Variants in LTBP3 observed in about 807,000 individuals in gnomAD.
LTBP3 encodes latent-transforming growth factor beta-binding protein 3.
In LTBP3, 97 loss-of-function variants were observed where a neutral mutation model predicts 159.7. The ratio of observed to expected loss-of-function variants is 0.61; its 90% CI spans 0.52 to 0.72. LTBP3 has a LOEUF of 0.72. Ranked by LOEUF, LTBP3 falls within the 30% of genes least tolerant of loss-of-function variation. The pLI, the probability that LTBP3 is intolerant of heterozygous loss-of-function variation, is 0.00. For synonymous variants in LTBP3, 824 were observed against 777.1 expected, an observed-to-expected ratio of 1.06 and a Z score of -1.00; for missense variants, 1,584 against 1,864.3, an observed-to-expected ratio of 0.85 and a Z score of 2.77.
rs1856252917 is a variant in LTBP3 at position 65,543,717 on chromosome 11, G to T, written c.2354-168C>A. On this transcript the variant is annotated intron_variant, in intron 16 of 27. Coordinates refer to ENST00000301873, the MANE Select transcript of LTBP3 (RefSeq NM_001130144.3). ...TGGCACACAGTGCCCTGACGACCAG[G>T]TCAGGTGCTGCCAGGGTCCCTAGGC... 5 of 835,236 alleles carry T rather than the reference G, an allele frequency of 6.0e-6. No individual in the cohort carries two copies. The Admixed American group carries it at 1.0e-4, about 17-fold the overall frequency. The allele number at this position is 835,236 out of a possible 1,614,324, so 51.7% of individuals were successfully genotyped here.
At position 65,551,437 on chromosome 11, in the gene LTBP3, G is replaced by A. The variant is rs747664109; in HGVS notation, c.1586C>T (p.Pro529Leu). 9 of 1,613,776 alleles carry A rather than the reference G, an allele frequency of 5.6e-6. No individual in the cohort carries two copies. ...SEERSVQQSHPTATTTPARPY... is the reference protein window; with the variant it reads ...SEERSVQQSHLTATTTPARPY... ...CCGGGCAGGAGTCGTGGTGGCAGTT[G>A]GGTGGCTCTGCTGCACTGACCTCTC... Residue 529 changes from proline to leucine, a missense_variant, in exon 10 of 28, where the codon CCA becomes CTA. Around this residue, in one of 6 missense-constraint regions of LTBP3, gnomAD observed 565 missense variants for 677.7 expected, o/e 0.83. Coordinates refer to ENST00000301873, the MANE Select transcript of LTBP3 (RefSeq NM_001130144.3).
At position 65,553,095 on chromosome 11, in the gene LTBP3, GGACCCTCCCCACCCCCAGT is replaced by G; in HGVS notation, c.1063+50_1063+68del. ...CCCACCTCCTCTCTCGCCCACCTTG[GGACCCTCCCCACCCCCAGT>G]GATGGCTGGCCTGCCCCTCCAGCCC... On this transcript the variant is annotated intron_variant, in intron 5 of 27. Transcript: ENST00000301873. This position sits in a 1 kb window ranked among gnomAD's most constrained non-coding sequence, Gnocchi z 6.5. 6.2e-7 allele frequency: 1 copy of G among 1,606,078 alleles called. No individual in the cohort carries two copies.
In LTBP3 at chr11:65,547,052, G is replaced by C. The variant is rs1856403932; in HGVS notation, c.2108-132C>G. ...CGGACCCCAACCTCTGAGAGGCCCA[G>C]AGCCGAGCATACAGGCCGGGTGCGG... On this transcript the variant is annotated intron_variant, in intron 14 of 27. Coordinates refer to ENST00000301873, the MANE Select transcript of LTBP3 (RefSeq NM_001130144.3). This position sits in a 1 kb window ranked among gnomAD's most constrained non-coding sequence, Gnocchi z 4.6. 4.5e-6 allele frequency: 6 copies of C among 1,342,174 alleles called. No homozygotes were observed. Among genetic ancestry groups the C allele is most frequent in the Non-Finnish European group, 5.1e-6 (5 of 979,478 alleles). 83.1% of individuals were successfully genotyped at this position (1,342,174 alleles called of 1,614,324 possible).
At position 65,557,925 on chromosome 11, in the gene LTBP3, G is replaced by A; in HGVS notation, c.35C>T (p.Ala12Val). 2 of 1,230,626 alleles carry A rather than the reference G, an allele frequency of 1.6e-6. No individual in the cohort carries two copies. Among genetic ancestry groups the A allele is most frequent in the Non-Finnish European group, 1.0e-6 (1 of 978,170 alleles). 76.2% of individuals were successfully genotyped at this position (1,230,626 alleles called of 1,614,324 possible). A position where few individuals can be genotyped will look rare whatever the true frequency, so the allele number is the denominator to read the frequency against. Residue 12 changes from alanine (A) to valine (V), a missense_variant, in exon 1 of 28, where the codon GCC becomes GTC. Coordinates refer to ENST00000301873, the MANE Select transcript of LTBP3 (RefSeq NM_001130144.3). The stretch of plus-strand genomic sequence containing the variant: ...CGCCCCCGCCCCGCGCATCTCAGGG[G>A]CCAGGCCGCCAGCAGCCCCTCGGGG... ...PGPRGAAGGLAPEMRGAGAAG... is the reference protein window; with the variant it reads ...PGPRGAAGGLVPEMRGAGAAG...
rs139187275 is a variant in LTBP3 at position 65,541,688 on chromosome 11, G to T, written c.2637C>A (p.Pro879=). The part of the protein sequence containing the change: ...ECSQDPSLCL[P]HGACKNLQGS... ...CCTGAAGGTTCTTGCAGGCCCCATGGGGAAGGCACAGGCTCGGGTCCTGGC... is the reference window on the plus strand; with the variant it reads ...CCTGAAGGTTCTTGCAGGCCCCATGTGGAAGGCACAGGCTCGGGTCCTGGC... Residue 879 remains proline, a synonymous_variant, in exon 19 of 28, where the codon CCC becomes CCA. Transcript: ENST00000301873. 6.1e-5 allele frequency: 99 copies of T among 1,614,128 alleles called. No homozygotes were observed. In the African/African-American group the frequency reaches 1.2e-3, roughly 19 times the overall value.
rs371976916 is a variant in LTBP3, at chr11:65,547,913, C to T, written c.1846+7G>A. 8 of 1,613,556 alleles carry T rather than the reference C, an allele frequency of 5.0e-6. No individual in the cohort carries two copies. In the African/African-American group the frequency reaches 8.0e-5, roughly 16 times the overall value. ...ACCTGCATGCCCGCCGCCTGCCCTGCGCTCACCCACGCAGTAGCGGTGCTG... is the reference window on the plus strand; with the variant it reads ...ACCTGCATGCCCGCCGCCTGCCCTGTGCTCACCCACGCAGTAGCGGTGCTG... On this transcript the variant is annotated splice_region_variant and intron_variant, in intron 12 of 27. Coordinates refer to ENST00000301873, the MANE Select transcript of LTBP3 (RefSeq NM_001130144.3). The surrounding 1 kb of genome is among the most constrained non-coding windows in gnomAD (Gnocchi z 4.6).
Position 65,553,578 on chromosome 11 carries a change from G to A in LTBP3, c.865-48C>T. The A allele has an allele frequency of 6.7e-7, 1 of 1,503,120 alleles. No homozygotes were observed. Among genetic ancestry groups the A allele is most frequent in the Non-Finnish European group, 9.2e-7 (1 of 1,090,254 alleles). The allele number at this position is 1,503,120 out of a possible 1,614,324, so 93.1% of individuals were successfully genotyped here. On this transcript the variant is annotated intron_variant, in intron 3 of 27. Coordinates refer to ENST00000301873, the MANE Select transcript of LTBP3 (RefSeq NM_001130144.3). The surrounding 1 kb of genome is among the most constrained non-coding windows in gnomAD (Gnocchi z 6.5). ...GGGTCACAGAGCACCCCGCCCCGGT[G>A]CCGCCTGTTAGGGTTGGGCCTTTTC...
rs1019451060 is a variant in LTBP3, at chr11:65,551,348, C to T, written c.1621+54G>A. On this transcript the variant is annotated intron_variant, in intron 10 of 27. Transcript: ENST00000301873. ...CCGAGTACTTAAACTGTGAACTCCCCGCCCACCCAGTGATTTAGCCCTTGA... is the reference window on the plus strand; with the variant it reads ...CCGAGTACTTAAACTGTGAACTCCCTGCCCACCCAGTGATTTAGCCCTTGA... 26 of 1,594,214 alleles carry T rather than the reference C, an allele frequency of 1.6e-5. No homozygotes were observed. The African/African-American group carries it at 2.5e-4, about 16-fold the overall frequency.
At chr11:65,557,502 C>A in intron 1 of LTBP3, 127 bp downstream of exon 1, 1 of 1,342,634 alleles carries the variant, frequency 7.4e-7, no homozygotes, top group South Asian at 1.3e-5. Flanking sequence ...CCCTGGTCCC[C>A]CAGGCCCTCG....
In LTBP3 at chr11:65,547,757, G is replaced by A; in HGVS notation, c.1911C>T (p.Gly637=). 6.2e-7 allele frequency: 1 copy of A among 1,610,316 alleles called. No individual in the cohort carries two copies. The highest frequency in any genetic ancestry group is 8.5e-7 in the Non-Finnish European group (1 of 1,178,850). ...CGCGGTTGCAGTGGCAATTGTAGGA[G>A]CCGCCGGTGTTCATGCAGATGCCCC... ...PGRGICMNTG[G]SYNCHCNRGY... Residue 637 remains glycine, a synonymous_variant, in exon 13 of 28, where the codon GGC becomes GGT. Transcript: ENST00000301873. The surrounding 1 kb of genome is among the most constrained non-coding windows in gnomAD (Gnocchi z 4.6).
chr11:65,549,135 A>G (rs2135146017), intron 11 of LTBP3, among the ~76,000 whole-genome samples: 1 of 152,338 alleles, frequency 6.6e-6, no homozygotes, highest in South Asian at 2.1e-4. Context: ...CTCTTCAGAC[A>G]GTACCTGGCA....
rs772518709 is a variant in LTBP3, at chr11:65,540,631, A to C, written c.2978-17T>G. ...CGTCGATGTCTGCGGGGTGACAAAC[A>C]CTGGCCGCTCCGGTCCCGCAGCTGC... On this transcript the variant is annotated splice_polypyrimidine_tract_variant and intron_variant, in intron 21 of 27. Coordinates refer to ENST00000301873, the MANE Select transcript of LTBP3 (RefSeq NM_001130144.3). 12 of 1,576,286 alleles carry C rather than the reference A, an allele frequency of 7.6e-6. 1 individual carries two copies. The Admixed American group carries it at 1.4e-4, about 18-fold the overall frequency.
rs1320350210 is a variant in LTBP3 at position 65,540,872 on chromosome 11, A to G, written c.2976T>C (p.Arg992=). Residue 992 remains arginine (R), a splice_region_variant and synonymous_variant, in exon 21 of 28, where the codon CGT becomes CGC. Coordinates refer to ENST00000301873, the MANE Select transcript of LTBP3 (RefSeq NM_001130144.3). ...CGGGCGGAGCCGCAGGGCGCTTACC[A>G]CGGTGGGCTGGGATGCCGTAGTTGA... The part of the protein sequence containing the change: ...NIVNYGIPAH[R]DIDECMLFGS... The G allele has an allele frequency of 1.2e-6, 2 of 1,611,332 alleles. No individual in the cohort carries two copies. The highest frequency in any genetic ancestry group is 3.4e-5 in the Admixed American group (2 of 59,650).
Position 65,557,854 on chromosome 11 carries a change from CCAGCAGCAGCAGCAGCAG to C in LTBP3, c.88_105del (p.Leu30_Leu35del), listed in dbSNP as rs71036212. ...CCCCCCTCGACCCTGCCGCCCAGGC[CCAGCAGCAGCAGCAGCAG>C]CAGCAGCAGCAGCGCCAGCAGCCCC... On this transcript the variant is annotated inframe_deletion, in exon 1 of 28. Transcript: ENST00000301873. The C allele has an allele frequency of 1.9e-5, 25 of 1,320,252 alleles. No individual in the cohort carries two copies. The highest frequency in any genetic ancestry group is 2.4e-4 in the Middle Eastern group (1 of 4,130). 81.8% of individuals were successfully genotyped at this position (1,320,252 alleles called of 1,614,324 possible). A position where few individuals can be genotyped will look rare whatever the true frequency, so the allele number is the denominator to read the frequency against.
chr11:65,539,060 CG>C lies in LTBP3; in HGVS notation c.*19del. On this transcript the variant is annotated 3_prime_UTR_variant, in exon 28 of 28. Transcript: ENST00000301873. ...CCTCAGTGATCACCGAGGTCTGGGC[CG>C]AGGGCGGCGTCGGCGGCGTCAGCGG... 7.4e-7 allele frequency: 1 copy of C among 1,360,002 alleles called. No homozygotes were observed. Among genetic ancestry groups the C allele is most frequent in the Admixed American group, 3.7e-5 (1 of 27,386 alleles). The allele number at this position is 1,360,002 out of a possible 1,614,324, so 84.2% of individuals were successfully genotyped here. A position where few individuals can be genotyped will look rare whatever the true frequency, so the allele number is the denominator to read the frequency against.
intron 11 of LTBP3, among the ~76,000 whole-genome samples, chr11:65,550,180 C>T (rs886350652): frequency 3.3e-5 from 5 of 152,062 alleles, no homozygotes; most frequent in Non-Finnish European, 5.9e-5. Context: ...GAGGCCAAGT[C>T]GGGCGGATCA....
chr11:65,538,893 C>T lies in LTBP3; in HGVS notation c.*187G>A. 1.7e-6 allele frequency: 2 copies of T among 1,163,706 alleles called. No individual in the cohort carries two copies. The highest frequency in any genetic ancestry group is 1.1e-6 in the Non-Finnish European group (1 of 891,562). The allele number at this position is 1,163,706 out of a possible 1,614,324, so 72.1% of individuals were successfully genotyped here. A position where few individuals can be genotyped will look rare whatever the true frequency, so the allele number is the denominator to read the frequency against. ...GAAGGCAGGCAGCGCCCGCCGGAGA[C>T]CTTACAACCGCCCGCTAACCGGGGA... is the stretch of plus-strand genomic sequence containing the variant. On this transcript the variant is annotated 3_prime_UTR_variant, in exon 28 of 28. Transcript: ENST00000301873.
Position 65,539,719 on chromosome 11 carries a change from C to CCCGCG in LTBP3, c.3543_3547dup (p.Gly1183AlafsTer44), listed in dbSNP as rs1262593379. On this transcript the variant is annotated frameshift_variant and splice_region_variant. Transcript: ENST00000301873. LOFTEE classifies it high-confidence loss of function. ...GGCCAACTCCTCCCCGACTGCCTTA[C>CCCGCG]CCGCGCCGCGCGGCGGGCACGGTCG... The CCCGCG allele has an allele frequency of 3.2e-6, 5 of 1,553,526 alleles. No homozygotes were observed. The highest frequency in any genetic ancestry group is 2.4e-5 in the East Asian group (1 of 41,776).
In LTBP3 at chr11:65,553,825, C is replaced by T. The variant is rs750849914; in HGVS notation, c.740G>A (p.Ser247Asn). 5 of 1,562,634 alleles carry T rather than the reference C, an allele frequency of 3.2e-6. No individual in the cohort carries two copies. Among genetic ancestry groups the T allele is most frequent in the South Asian group, 1.2e-5 (1 of 86,602 alleles). Residue 247 changes from serine to asparagine, a missense_variant, in exon 3 of 28, where the codon AGC becomes AAC. By Grantham distance (46) the Ser-to-Asn change is conservative. Coordinates refer to ENST00000301873, the MANE Select transcript of LTBP3 (RefSeq NM_001130144.3). This position sits in a 1 kb window ranked among gnomAD's most constrained non-coding sequence, Gnocchi z 6.5. ...GGGGGCTGCGCTCTCGGCGTTCGAGCTCTCAATGCGGTGCACCTGGACTGA... is the reference window on the plus strand; with the variant it reads ...GGGGGCTGCGCTCTCGGCGTTCGAGTTCTCAATGCGGTGCACCTGGACTGA... ...EASVQVHRIE[S>N]SNAESAAPSQ...
Sources: allele counts gnomAD v4.1 joint callset (sites outside exome capture counted in the v4.1 genomes callset), GRCh38; gene constraint gnomAD v4.1.1; regional missense constraint gnomAD v4.1.1; non-coding constraint Gnocchi (gnomAD v3.1); transcripts MANE v1.5; gene names NCBI Gene and HGNC (gene_info 2026-07-23, HGNC 2026-07-21).